CDKAL1: variants seen among roughly 807,000 people sequenced by gnomAD.
CDKAL1 encodes the protein CDKAL1 threonylcarbamoyladenosine tRNA methylthiotransferase.
In CDKAL1, 32 loss-of-function variants were observed where a neutral mutation model predicts 68.2. The ratio of observed to expected loss-of-function variants is 0.47; its 90% CI spans 0.35 to 0.63. The LOEUF (loss-of-function observed/expected upper bound fraction) is 0.63. Ranked by LOEUF, CDKAL1 falls within the 30% of genes least tolerant of loss-of-function variation. CDKAL1 has a pLI of 0.00. For missense variants in CDKAL1, 606 were observed against 696.7 expected (o/e 0.87, Z 1.47); for synonymous variants, 234 against 244.3 (o/e 0.96, Z 0.39).
intron 9 of CDKAL1, among the ~76,000 whole-genome samples, chr6:20,850,187 A>G (rs1468477768): frequency 6.6e-6 from 1 of 152,140 alleles, no homozygotes; most frequent in Non-Finnish European, 1.5e-5. Context: ...TTACTCTATA[A>G]TGAAAAACCT....
At chr6:20,954,426 TTCAGTTTGTGTGCC>T (rs1335103265) in intron 9 of CDKAL1, among the ~76,000 whole-genome samples, 1 of 152,240 alleles carries the variant, frequency 6.6e-6, no homozygotes, top group Admixed American at 6.5e-5. Context: ...GGCTAAAGTC[TTCAGTTTGTGTGCC>T]TGTGTGTGTG....
At chr6:20,719,963 C>T (rs1257548664) in intron 5 of CDKAL1, among the ~76,000 whole-genome samples, 1 of 152,180 alleles carries the variant, frequency 6.6e-6, no homozygotes, top group Non-Finnish European at 1.5e-5. Flanking sequence ...TCTACAGGCT[C>T]CCCTCCATTT....
chr6:20,591,771 G>A lies in CDKAL1; in HGVS notation c.286+43066G>A, dbSNP rs142165466. On this transcript the variant is annotated intron_variant, in intron 4 of 15. Coordinates refer to ENST00000274695, the MANE Select transcript of CDKAL1 (RefSeq NM_017774.3). ...CCAGTACCATGCTGTTTTGGTTACCGTAGCCTTGTAGTATTGTTTGAAGTC... is the reference window on the plus strand; with the variant it reads ...CCAGTACCATGCTGTTTTGGTTACCATAGCCTTGTAGTATTGTTTGAAGTC... Among the ~76,000 whole-genome samples, 236 of 152,222 alleles carry A rather than the reference G, an allele frequency of 1.6e-3. 2 individuals carry two copies. The South Asian group carries it at 0.02, about 13-fold the overall frequency.
At chr6:20,707,335 G>A (rs915655258) in intron 5 of CDKAL1, among the ~76,000 whole-genome samples, 1 of 152,196 alleles carries the variant, frequency 6.6e-6, no homozygotes, top group African/African-American at 2.4e-5. Context: ...TGAAATATTT[G>A]ACTACTGGGT....
chr6:21,190,049 G>A (rs1778171574), intron 13 of CDKAL1, among the ~76,000 whole-genome samples: 1 of 152,098 alleles, frequency 6.6e-6, no homozygotes, highest in Non-Finnish European at 1.5e-5. Context: ...GTGAGGGCAG[G>A]CTTTTGCACA....
intron 12 of CDKAL1, among the ~76,000 whole-genome samples, chr6:21,082,736 C>T (rs78021384): frequency 0.017 from 2,547 of 152,170 alleles, 68 homozygotes; most frequent in African/African-American, 0.058. Flanking sequence ...GTTGAGTATC[C>T]TTTATCTAAG....
At chr6:21,180,459 G>A (rs555396574) in intron 13 of CDKAL1, among the ~76,000 whole-genome samples, 1 of 151,486 alleles carries the variant, frequency 6.6e-6, no homozygotes, top group South Asian at 2.1e-4. Flanking sequence ...GCTATTTACA[G>A]CTGCTAGTGT....
At chr6:20,662,819 GTC>G (rs1288028575) in intron 5 of CDKAL1, among the ~76,000 whole-genome samples, 1 of 151,946 alleles carries the variant, frequency 6.6e-6, no homozygotes, top group Non-Finnish European at 1.5e-5. Flanking sequence ...CTTTTTCTGT[GTC>G]TCTTTCTTAT....
At chr6:21,197,675 T>A (rs1778527465) in intron 13 of CDKAL1, among the ~76,000 whole-genome samples, 1 of 152,256 alleles carries the variant, frequency 6.6e-6, no homozygotes, top group Non-Finnish European at 1.5e-5. Context: ...TTTGCAACTT[T>A]GTTTCAGGAA....
chr6:21,114,876 A>G (rs899671587), intron 13 of CDKAL1, among the ~76,000 whole-genome samples: 3 of 152,236 alleles, frequency 2.0e-5, no homozygotes, highest in Admixed American at 6.5e-5. Flanking sequence ...ATATATTTCA[A>G]TAATCACACT....
chr6:20,602,545 G>A (rs773158947), intron 4 of CDKAL1, among the ~76,000 whole-genome samples: 8 of 152,226 alleles, frequency 5.3e-5, no homozygotes, highest in South Asian at 4.1e-4. Context: ...CTTTTACGTC[G>A]TGGTTAGTGG....
chr6:21,077,877 C>G (rs1772161580), intron 12 of CDKAL1, among the ~76,000 whole-genome samples: 1 of 152,124 alleles, frequency 6.6e-6, no homozygotes, highest in Non-Finnish European at 1.5e-5. Flanking sequence ...CATGGATTAC[C>G]TGAGTGGGGT....
chr6:20,552,751 T>C (rs1218721630), intron 4 of CDKAL1, among the ~76,000 whole-genome samples: 1 of 152,120 alleles, frequency 6.6e-6, no homozygotes, highest in Non-Finnish European at 1.5e-5. Flanking sequence ...CTGGCTTGCA[T>C]GCAGCAGACT....
chr6:21,171,564 A>G (rs1777390379), intron 13 of CDKAL1, among the ~76,000 whole-genome samples: 1 of 152,206 alleles, frequency 6.6e-6, no homozygotes, highest in Non-Finnish European at 1.5e-5. Flanking sequence ...TGAAGTTCTC[A>G]GAAACCTTTT....
At chr6:21,174,138 T>C (rs1777494257) in intron 13 of CDKAL1, among the ~76,000 whole-genome samples, 1 of 151,826 alleles carries the variant, frequency 6.6e-6, no homozygotes, top group Admixed American at 6.6e-5. Flanking sequence ...ATAAACACAA[T>C]AGAAAAAGAT....
rs556876068 is a variant in CDKAL1 at position 20,543,073 on chromosome 6, A to G, written c.-5-3273A>G. ...CTTTGTTTAACCATTCACCTTTTGA[A>G]TGGCATCCAGGTGGTTTCCAGATTT... On this transcript the variant is annotated intron_variant, in intron 2 of 15. Coordinates refer to ENST00000274695, the MANE Select transcript of CDKAL1 (RefSeq NM_017774.3). Among the ~76,000 whole-genome samples, 5 of 152,314 alleles carry G rather than the reference A, an allele frequency of 3.3e-5. No individual in the cohort carries two copies. The South Asian group carries it at 8.3e-4, about 25-fold the overall frequency.
At chr6:20,908,560 A>G (rs985862775) in intron 9 of CDKAL1, among the ~76,000 whole-genome samples, 1 of 152,218 alleles carries the variant, frequency 6.6e-6, no homozygotes, top group African/African-American at 2.4e-5. Flanking sequence ...TTGCATAAAT[A>G]TTTAGTTTTT....
intron 8 of CDKAL1, among the ~76,000 whole-genome samples, chr6:20,818,664 A>G (rs1391743771): frequency 6.6e-6 from 1 of 151,498 alleles, no homozygotes; most frequent in African/African-American, 2.4e-5. Flanking sequence ...GGACAGATAC[A>G]TTAATCTTAA....
intron 2 of CDKAL1, among the ~76,000 whole-genome samples, chr6:20,541,016 T>C (rs1763368753): frequency 6.6e-6 from 1 of 152,160 alleles, no homozygotes; most frequent in Non-Finnish European, 1.5e-5. Flanking sequence ...AGACTGGAGC[T>C]AGGAGAGTGT....
Sources: gnomAD v4.1 joint callset for allele counts (sites outside exome capture counted in the v4.1 genomes callset) on GRCh38, gnomAD v4.1.1 for gene constraint, MANE v1.5 for transcripts, NCBI Gene and HGNC (gene_info 2026-07-23, HGNC 2026-07-21) for gene names.